THAP4: variants seen among roughly 807,000 people sequenced by gnomAD.
THAP4 encodes the protein THAP domain containing 4.
In THAP4, 18 loss-of-function variants were observed where a neutral mutation model predicts 48.1. The ratio of observed to expected loss-of-function variants is 0.37; its 90% CI spans 0.26 to 0.56. THAP4 has a LOEUF of 0.56. THAP4 is among the 20% of genes least tolerant of loss of function. The pLI is 0.78. For synonymous variants in THAP4, 345 were observed against 324.9 expected (o/e 1.06, Z -0.66); for missense variants, 656 against 774.9 (o/e 0.85, Z 1.82).
intron 5 of THAP4, among the ~76,000 whole-genome samples, chr2:241,598,190 CAAGT>C (rs1367505472): frequency 1.3e-5 from 2 of 152,068 alleles, no homozygotes; most frequent in Non-Finnish European, 2.9e-5. Flanking sequence ...CAGATGGAGC[CAAGT>C]AAGAACGTGG....
Position 241,616,402 on chromosome 2 carries a change from C to T in THAP4, c.1241-9929G>A, listed in dbSNP as rs763942711. Reference sequence around the variant, plus strand: ...AGGACCAGAGAGGCCCACCACAGAGCGGGTAAGCAGTGGCACCTGAGCAGG... The same window carrying T: ...AGGACCAGAGAGGCCCACCACAGAGTGGGTAAGCAGTGGCACCTGAGCAGG... On this transcript the variant is annotated intron_variant, in intron 2 of 5. Coordinates refer to ENST00000407315, the MANE Select transcript of THAP4 (RefSeq NM_015963.6). The surrounding 1 kb of genome is among the most constrained non-coding windows in gnomAD (Gnocchi z 4.6). Among the ~76,000 whole-genome samples, 8 of 152,160 alleles carry T rather than the reference C, an allele frequency of 5.3e-5. No individual in the cohort carries two copies. The highest frequency in any genetic ancestry group is 1.0e-4 in the Non-Finnish European group (7 of 68,028).
intron 5 of THAP4, among the ~76,000 whole-genome samples, chr2:241,590,153 T>C (rs574748009): frequency 7.3e-6 from 1 of 136,716 alleles, no homozygotes; most frequent in Non-Finnish European, 1.5e-5. Flanking sequence ...CTGATGATAA[T>C]GGGCACTAGG....
Position 241,636,925 on chromosome 2 carries a change from C to T in THAP4, c.77+16G>A. 8.1e-7 allele frequency: 1 copy of T among 1,234,770 alleles called. No individual in the cohort carries two copies. Among genetic ancestry groups the T allele is most frequent in the South Asian group, 1.4e-5 (1 of 70,566 alleles). The allele number at this position is 1,234,770 out of a possible 1,614,324, so 76.5% of individuals were successfully genotyped here. A position where few individuals can be genotyped will look rare whatever the true frequency, so the allele number is the denominator to read the frequency against. The stretch of plus-strand genomic sequence containing the variant: ...CCGGGTCGGGGCGGGGGCGTGGCGG[C>T]CCGGGGCCCGCGTACCTGTGGAAGG... On this transcript the variant is annotated intron_variant, in intron 1 of 5. Coordinates refer to ENST00000407315, the MANE Select transcript of THAP4 (RefSeq NM_015963.6).
chr2:241,603,473 C>T (rs1417487326), intron 3 of THAP4, among the ~76,000 whole-genome samples: 2 of 143,224 alleles, frequency 1.4e-5, no homozygotes, highest in African/African-American at 5.0e-5. Flanking sequence ...CTCCTGAAGA[C>T]GGGCTGTTCC....
intron 3 of THAP4, among the ~76,000 whole-genome samples, chr2:241,604,178 A>G (rs912167573): frequency 1.8e-4 from 27 of 152,022 alleles, no homozygotes; most frequent in African/African-American, 3.1e-4. Flanking sequence ...GGTTGAAATG[A>G]TTCTCCTGTC....
chr2:241,593,728 C>T (rs1455393084), intron 5 of THAP4, among the ~76,000 whole-genome samples: 1 of 152,180 alleles, frequency 6.6e-6, no homozygotes, highest in Admixed American at 6.5e-5. Context: ...ACTCTGTCAC[C>T]CAGGCTGGAG....
At chr2:241,618,216 T>A (rs1575032913) in intron 2 of THAP4, among the ~76,000 whole-genome samples, 1 of 152,278 alleles carries the variant, frequency 6.6e-6, no homozygotes, top group Middle Eastern at 3.4e-3. Context: ...GGCCCTCAAC[T>A]TATCAACCAT....
At chr2:241,594,545 C>G in intron 5 of THAP4, 1 of 315,466 alleles carries the variant, frequency 3.2e-6, no homozygotes, top group Non-Finnish European at 6.3e-6. Flanking sequence ...GGCAATGTGG[C>G]AAGACCCCAT....
chr2:241,626,533 AC>A (rs2067497577), intron 2 of THAP4, among the ~76,000 whole-genome samples: 1 of 152,114 alleles, frequency 6.6e-6, no homozygotes, highest in Non-Finnish European at 1.5e-5. Context: ...AGGAAAAAAA[AC>A]ACTGTTATTA....
At position 241,616,329 on chromosome 2, in the gene THAP4, A is replaced by T. The variant is rs1397121025; in HGVS notation, c.1241-9856T>A. On this transcript the variant is annotated intron_variant, in intron 2 of 5. Coordinates refer to ENST00000407315, the MANE Select transcript of THAP4 (RefSeq NM_015963.6). The surrounding 1 kb of genome is among the most constrained non-coding windows in gnomAD (Gnocchi z 4.6). ...TGGAAGGCGACCCGTGACATCAGTGAGAAGGGCGGGTGCAGGCGCACGAGA... is the reference window on the plus strand; with the variant it reads ...TGGAAGGCGACCCGTGACATCAGTGTGAAGGGCGGGTGCAGGCGCACGAGA... Among the ~76,000 whole-genome samples, 2 of 152,126 alleles carry T rather than the reference A, an allele frequency of 1.3e-5. No homozygotes were observed. Among genetic ancestry groups the T allele is most frequent in the Non-Finnish European group, 2.9e-5 (2 of 68,022 alleles).
At chr2:241,609,555 G>A (rs1021613285) in intron 2 of THAP4, among the ~76,000 whole-genome samples, 3 of 152,228 alleles carry the variant, frequency 2.0e-5, no homozygotes, top group African/African-American at 7.2e-5. Context: ...GGGATGCCGA[G>A]ACGGGCAGAT....
At chr2:241,595,257 T>C (rs527759743) in intron 5 of THAP4, among the ~76,000 whole-genome samples, 23 of 152,244 alleles carry the variant, frequency 1.5e-4, no homozygotes, top group African/African-American at 5.3e-4. Context: ...TCAGGCGATA[T>C]GCCCACCTTG....
chr2:241,605,093 A>T (rs1388014206), intron 3 of THAP4, among the ~76,000 whole-genome samples: 1 of 152,244 alleles, frequency 6.6e-6, no homozygotes, highest in African/African-American at 2.4e-5. Context: ...AGTTTAAAAA[A>T]GACTGCTTGG....
chr2:241,637,421 T>C (rs1368539732), upstream of THAP4: 1 of 1,459,376 alleles, frequency 6.9e-7, no homozygotes, highest in East Asian at 3.0e-5. Flanking sequence ...CAACTGCTCC[T>C]GGGTCCTCTA....
chr2:241,615,090 G>A (rs894022277), intron 2 of THAP4, among the ~76,000 whole-genome samples: 7 of 152,062 alleles, frequency 4.6e-5, no homozygotes, highest in African/African-American at 1.7e-4. Flanking sequence ...AAAACACTGC[G>A]CGAAAAGAAA....
intron 2 of THAP4, among the ~76,000 whole-genome samples, chr2:241,632,094 T>A (rs2067570810): frequency 6.6e-6 from 1 of 151,720 alleles, no homozygotes; most frequent in African/African-American, 2.4e-5. Flanking sequence ...TCAATAGATG[T>A]GTGTCTTTTT....
intron 2 of THAP4, among the ~76,000 whole-genome samples, chr2:241,606,976 G>C (rs2067192365): frequency 1.3e-5 from 2 of 151,432 alleles, no homozygotes; most frequent in Admixed American, 6.6e-5. Flanking sequence ...GAGACAAAGA[G>C]CATCAGGGAG....
chr2:241,605,591 G>C (rs1372829214), intron 3 of THAP4, among the ~76,000 whole-genome samples: 1 of 152,144 alleles, frequency 6.6e-6, no homozygotes, highest in Admixed American at 6.5e-5. Context: ...AGGGGCTTTT[G>C]CTTTCTTGTA....
intron 3 of THAP4, among the ~76,000 whole-genome samples, chr2:241,604,650 T>C (rs902268300): frequency 1.3e-5 from 2 of 152,174 alleles, no homozygotes; most frequent in African/African-American, 4.8e-5. Context: ...CTTCTAGTGA[T>C]CCACCTGCCT....
Sources: allele counts gnomAD v4.1 joint callset (sites outside exome capture counted in the v4.1 genomes callset), GRCh38; gene constraint gnomAD v4.1.1; non-coding constraint Gnocchi (gnomAD v3.1); transcripts MANE v1.5; gene names NCBI Gene and HGNC (gene_info 2026-07-23, HGNC 2026-07-21).